SYNE1: variants seen among roughly 807,000 people sequenced by gnomAD.
SYNE1 encodes nesprin-1.
Under a neutral mutation model 1,111.0 loss-of-function variants are expected in SYNE1, and 616 were observed. The ratio of observed to expected loss-of-function variants is 0.55; its 90% confidence interval spans 0.52 to 0.59. The LOEUF (loss-of-function observed/expected upper bound fraction) is 0.59, where lower values mean the gene tolerates loss of function less well. SYNE1 is among the 20% of genes least tolerant of loss of function. The pLI is 0.00. For synonymous variants in SYNE1, 3,855 were observed against 3,825.8 expected (o/e 1.01, Z -0.28); for missense variants, 10,006 against 10,417.0 (o/e 0.96, Z 1.72).
Position 152,353,689 on chromosome 6 carries a change from C to T in SYNE1, c.10982G>A (p.Arg3661Lys), listed in dbSNP as rs1307734511. ...YRDEVEEVGA[R>K]AQEILDESHV... ...GCTCTCGTCCAGTATCTCCTGAGCT[C>T]TAGCTCCCACTTCCTCAACTTCATC... is the stretch of plus-strand genomic sequence containing the variant. The change falls in exon 68 of 146, where the codon AGA becomes AAA. Residue 3661 changes from arginine (R) to lysine (K), a missense_variant. Coordinates refer to ENST00000367255, the MANE Select transcript of SYNE1 (RefSeq NM_182961.4). The T allele has an allele frequency of 1.2e-6, 2 of 1,614,072 alleles. No individual in the cohort carries two copies. Among genetic ancestry groups the T allele is most frequent in the Admixed American group, 1.7e-5 (1 of 60,004 alleles).
chr6:152,317,105 G>C, intron 86 of SYNE1, 119 bp from the exon 87 acceptor site: 2 of 1,076,510 alleles, frequency 1.9e-6, no homozygotes, highest in Non-Finnish European at 1.4e-6. Flanking sequence ...TAATACCTAT[G>C]ATATTCAATG....
chr6:152,243,564 C>CACCT (rs898597593), intron 106 of SYNE1, among the ~76,000 whole-genome samples: 2 of 152,162 alleles, frequency 1.3e-5, no homozygotes, highest in African/African-American at 2.4e-5. Context: ...TTGACTCTTA[C>CACCT]ACCTGATGCT....
intron 131 of SYNE1, among the ~76,000 whole-genome samples, chr6:152,163,721 T>C (rs2063016725): frequency 6.6e-6 from 1 of 152,004 alleles, no homozygotes. Flanking sequence ...ACTTGAAAAA[T>C]TCTAAGTATG....
intron 11 of SYNE1, among the ~76,000 whole-genome samples, chr6:152,496,970 C>T (rs2099002888): frequency 6.6e-6 from 1 of 152,104 alleles, no homozygotes; most frequent in Admixed American, 6.5e-5. Flanking sequence ...CCTTGTAACA[C>T]CTGCCCCTGT....
At chr6:152,160,091 C>G (rs2062151986) in intron 131 of SYNE1, among the ~76,000 whole-genome samples, 1 of 152,106 alleles carries the variant, frequency 6.6e-6, no homozygotes, top group South Asian at 2.1e-4. Flanking sequence ...ACTGCAACCT[C>G]CGACTCCCTG....
rs1423550310 is a variant in SYNE1, at chr6:152,416,969, A to G, written c.5468T>C (p.Leu1823Pro). The G allele has an allele frequency of 1.2e-6, 2 of 1,614,108 alleles. No individual in the cohort carries two copies. Among genetic ancestry groups the G allele is most frequent in the African/African-American group, 2.7e-5 (2 of 74,942 alleles). Reference protein sequence around the residue: ...VESKKGELQSLQGHLAKLGSL... With the variant: ...VESKKGELQSPQGHLAKLGSL... ...ACCCAACTTTGCTAAGTGACCCTGC[A>G]GACTCTGCAATTCGCCCTTTTTGCT... Residue 1823 changes from leucine to proline, a missense_variant, in exon 41 of 146, where the codon CTG becomes CCG. Leu to Pro is a moderately conservative substitution (Grantham distance 98). Around this residue, in one of 7 missense-constraint regions of SYNE1, gnomAD observed 4,955 missense variants for 5,017.2 expected, o/e 0.99. Transcript: ENST00000367255.
At chr6:152,462,457 T>C in intron 20 of SYNE1, 1 of 544,358 alleles carries the variant, frequency 1.8e-6, no homozygotes, top group East Asian at 3.0e-5. Context: ...GCGGGTGCTA[T>C]CTATAGATGT....
Position 152,450,825 on chromosome 6 carries a change from G to C in SYNE1, c.3195C>G (p.Phe1065Leu). ...AGAGATGATGAGGACCTTTGTCACT[G>C]AAGAAAACCTAATGTGTAATAAATG... is the stretch of plus-strand genomic sequence containing the variant. ...EKIIKEHRVF[F>L]SDKGPHHLCE... Residue 1065 changes from phenylalanine to leucine, a missense_variant, in exon 27 of 146, where the codon TTC (phenylalanine) becomes TTG (leucine). Around this residue, in one of 7 missense-constraint regions of SYNE1, gnomAD observed 1,971 missense variants for 2,084.1 expected, o/e 0.95. Coordinates refer to ENST00000367255, the MANE Select transcript of SYNE1 (RefSeq NM_182961.4). 6.2e-7 allele frequency: 1 copy of C among 1,613,908 alleles called. No homozygotes were observed. The highest frequency in any genetic ancestry group is 1.1e-5 in the South Asian group (1 of 91,062).
In SYNE1 at chr6:152,307,494, C is replaced by T. The variant is rs149940821; in HGVS notation, c.17346+995G>A. 3.6e-3 allele frequency among the ~76,000 whole-genome samples: 548 copies of T among 152,168 alleles called. 5 individuals carry two copies. The highest frequency in any genetic ancestry group is 0.012 in the African/African-American group (487 of 41,508). ...ACAGAAAAAATAAGACAACCTTCTC[C>T]CAGTTATTTACCAAAATTCACAGTG... On this transcript the variant is annotated intron_variant, in intron 91 of 145. Coordinates refer to ENST00000367255, the MANE Select transcript of SYNE1 (RefSeq NM_182961.4).
chr6:152,184,246 G>A (rs1474409699), intron 128 of SYNE1, among the ~76,000 whole-genome samples: 1 of 152,078 alleles, frequency 6.6e-6, no homozygotes, highest in Non-Finnish European at 1.5e-5. Context: ...GACCAGCCTG[G>A]CCAACATGGT....
intron 3 of SYNE1, among the ~76,000 whole-genome samples, chr6:152,547,763 A>T (rs1352446966): frequency 6.6e-6 from 1 of 152,204 alleles, no homozygotes; most frequent in African/African-American, 2.4e-5. Flanking sequence ...GATATCACAC[A>T]GTACCTTTCA....
intron 5 of SYNE1, among the ~76,000 whole-genome samples, chr6:152,522,755 G>T (rs920463827): frequency 1.3e-5 from 2 of 152,082 alleles, no homozygotes; most frequent in Non-Finnish European, 2.9e-5. Flanking sequence ...ATTCTTGCAG[G>T]GGTAAGGTGG....
chr6:152,536,689 T>C (rs2099244920), intron 4 of SYNE1, among the ~76,000 whole-genome samples: 1 of 151,570 alleles, frequency 6.6e-6, no homozygotes, highest in Admixed American at 6.6e-5. Flanking sequence ...CCTATATCTG[T>C]GAATAATCTC....
At chr6:152,628,044 CAAAAAA>C (rs66815986) in intron 3 of SYNE1, among the ~76,000 whole-genome samples, 1 of 103,350 alleles carries the variant, frequency 9.7e-6, no homozygotes, top group Non-Finnish European at 1.9e-5. Context: ...CACAAAATTA[CAAAAAA>C]AAAAAAAAAA....
In SYNE1 at chr6:152,318,906, T is replaced by C; in HGVS notation, c.16346A>G (p.Lys5449Arg). Residue 5449 changes from lysine to arginine, a missense_variant, in exon 85 of 146, where the codon AAA becomes AGA. Transcript: ENST00000367255. The part of the protein sequence containing the change: ...KDLTTILTKL[K>R]AKTDNVVQAK... ...TTGAACTACATTATCTGTCTTCGCTTTCAGCTTAGTTAGAATAGTTGTGAG... is the reference window on the plus strand; with the variant it reads ...TTGAACTACATTATCTGTCTTCGCTCTCAGCTTAGTTAGAATAGTTGTGAG... 6.2e-7 allele frequency: 1 copy of C among 1,614,256 alleles called. No individual in the cohort carries two copies. The highest frequency in any genetic ancestry group is 1.3e-5 in the African/African-American group (1 of 75,082).
chr6:152,141,353 C>T, intron 138 of SYNE1, 24 bp from the exon 139 acceptor site: 1 of 1,613,116 alleles, frequency 6.2e-7, no homozygotes, highest in Non-Finnish European at 8.5e-7. Flanking sequence ...AACAACCGGC[C>T]CCTGTCACCC....
At chr6:152,541,747 C>CAAAAA (rs1267855271) in intron 3 of SYNE1, among the ~76,000 whole-genome samples, 13 of 60,102 alleles carry the variant, frequency 2.2e-4, no homozygotes, top group African/African-American at 5.7e-4. Context: ...GACTCCATCT[C>CAAAAA]AAAAAAAAAA....
intron 104 of SYNE1, among the ~76,000 whole-genome samples, chr6:152,250,701 T>C (rs1482169720): frequency 2.0e-5 from 3 of 152,190 alleles, no homozygotes; most frequent in African/African-American, 7.2e-5. Context: ...TATGAGTTAC[T>C]AGGTCTGTAT....
chr6:152,349,230 TAA>T (rs935610233), intron 72 of SYNE1, among the ~76,000 whole-genome samples: 3 of 152,260 alleles, frequency 2.0e-5, no homozygotes, highest in Non-Finnish European at 4.4e-5. Context: ...ACACGATTAC[TAA>T]AAATACATAT....
Sources: allele counts gnomAD v4.1 joint callset (sites outside exome capture counted in the v4.1 genomes callset), GRCh38; gene constraint gnomAD v4.1.1; regional missense constraint gnomAD v4.1.1; transcripts MANE v1.5; gene names NCBI Gene and HGNC (gene_info 2026-07-23, HGNC 2026-07-21).